The following ZNF85 variants were observed in gnomAD, a reference collection of about 807,000 sequenced individuals.
The protein encoded by ZNF85 is zinc finger protein 85 (HPF4, HTF1).
A neutral mutation model predicts 53.9 loss-of-function variants in ZNF85; 50 were observed. The ratio of observed to expected loss-of-function variants is 0.93; its 90% CI spans 0.74 to 1.17. The LOEUF (loss-of-function observed/expected upper bound fraction) is 1.17. Among genes scored for constraint, ZNF85 ranks in the 50% most tolerant of loss-of-function variants. The pLI, the probability that ZNF85 is intolerant of heterozygous loss-of-function variation, is 0.00. For missense variants in ZNF85, 747 were observed against 688.5 expected (o/e 1.08, Z -0.95); for synonymous variants, 225 against 226.1 (o/e 1.00, Z 0.04).
intron 3 of ZNF85, chr19:20,943,152 C>T: frequency 3.1e-6 from 1 of 321,572 alleles, no homozygotes; most frequent in East Asian, 4.9e-5. Flanking sequence ...GTTGTGTATT[C>T]TCTTGCTTTT....
chr19:20,950,226 G>A lies in ZNF85; in HGVS notation c.1712G>A (p.Cys571Tyr), dbSNP rs1395650972. The change falls in exon 4 of 4, where the codon TGT becomes TAT. Residue 571 changes from cysteine to tyrosine, a missense_variant. Cys to Tyr is a radical substitution (Grantham distance 194). Transcript: ENST00000328178. ...GAAAAACCTTACAAATGTGAAGAAT[G>A]TGACAAAGCTTTTAAATGGTCCTCA... ...TGEKPYKCEE[C>Y]DKAFKWSSVL... The A allele has an allele frequency of 6.2e-6, 10 of 1,608,402 alleles. No homozygotes were observed. The highest frequency in any genetic ancestry group is 8.5e-6 in the Non-Finnish European group (10 of 1,178,056).
chr19:20,948,746 A>C lies in ZNF85; in HGVS notation c.232A>C (p.Met78Leu), dbSNP rs193252937. 1.3e-6 allele frequency: 2 copies of C among 1,542,516 alleles called. No homozygotes were observed. The highest frequency in any genetic ancestry group is 4.5e-5 in the East Asian group (2 of 44,270). Residue 78 changes from methionine (M) to leucine (L), a missense_variant and splice_region_variant, in exon 4 of 4, where the codon ATG (methionine) becomes CTG (leucine). Transcript: ENST00000328178. ...HEIMVAKPTV[M>L]CSHFAQDLWP... Reference sequence around the variant, plus strand: ...TTTGTCATTTTTGTTTCTTTCAGTTATGTGTTCTCATTTTGCCCAAGACCT... The same window carrying C: ...TTTGTCATTTTTGTTTCTTTCAGTTCTGTGTTCTCATTTTGCCCAAGACCT...
At chr19:20,942,076 A>G (rs1390035781) in intron 3 of ZNF85, among the ~76,000 whole-genome samples, 1 of 151,726 alleles carries the variant, frequency 6.6e-6, no homozygotes, top group Non-Finnish European at 1.5e-5. Context: ...TCATATACAG[A>G]TTTCTGTGCT....
Position 20,948,869 on chromosome 19 carries a change from G to A in ZNF85, c.355G>A (p.Glu119Lys). 6.2e-7 allele frequency: 1 copy of A among 1,613,540 alleles called. No homozygotes were observed. The highest frequency in any genetic ancestry group is 1.1e-5 in the South Asian group (1 of 90,868). Residue 119 changes from glutamate (E) to lysine (K), a missense_variant, in exon 4 of 4, where the codon GAA (glutamate) becomes AAA (lysine). Physicochemically the swap from Glu to Lys is moderately conservative, Grantham distance 56. Transcript: ENST00000328178. ...AAATTTACCATTAAGAAAAGGCTGT[G>A]AAAGTATGGATGAGTGTAAGATGCA... ...HENLPLRKGC[E>K]SMDECKMHKG...
At chr19:20,943,135 T>G (rs10425231) in intron 3 of ZNF85, 16,262 of 355,942 alleles carry the variant, frequency 0.046, 669 homozygotes, top group East Asian at 0.16. Context: ...AAGGTGCAAA[T>G]AAGAATGTTG....
chr19:20,942,595 T>C (rs11669193), intron 3 of ZNF85, among the ~76,000 whole-genome samples: 17,123 of 152,210 alleles, frequency 0.11, 1,003 homozygotes, highest in Non-Finnish European at 0.13. Flanking sequence ...CCACTGTAGT[T>C]TGTATTGACA....
chr19:20,933,940 A>G, intron 1 of ZNF85, 84 bp from the exon 2 acceptor site: 2 of 1,376,868 alleles, frequency 1.5e-6, no homozygotes, highest in Non-Finnish European at 9.6e-7. Context: ...AATGCTTTTC[A>G]TAACCAGTTG....
chr19:20,929,847 G>A (rs925234677), intron 1 of ZNF85, among the ~76,000 whole-genome samples: 4 of 152,144 alleles, frequency 2.6e-5, no homozygotes, highest in African/African-American at 4.8e-5. Context: ...TGGGCCAGGC[G>A]TGGTGGCTTA....
At chr19:20,946,319 G>C (rs73532415) in intron 3 of ZNF85, 2 of 421,692 alleles carry the variant, frequency 4.7e-6, no homozygotes, top group Non-Finnish European at 9.4e-6. Context: ...CAAAAAGAAT[G>C]TCGTATGAGC....
intron 1 of ZNF85, chr19:20,927,100 A>C (rs1972897275): frequency 6.6e-6 from 1 of 152,272 alleles, no homozygotes; most frequent in Non-Finnish European, 1.5e-5. Flanking sequence ...GTTGACTCAC[A>C]CTCAGGGTAG....
chr19:20,937,118 C>T (rs1456952982), intron 3 of ZNF85: 4 of 273,848 alleles, frequency 1.5e-5, no homozygotes, highest in South Asian at 3.2e-5. Flanking sequence ...CTGCAACCTC[C>T]GCCTCCTGCG....
chr19:20,937,401 C>T (rs1273294715), intron 3 of ZNF85: 1 of 455,036 alleles, frequency 2.2e-6, no homozygotes, highest in Non-Finnish European at 4.4e-6. Flanking sequence ...GACGGGATGC[C>T]CTCTGAGTTT....
At chr19:20,924,277 T>G (rs1285223555) in intron 1 of ZNF85, among the ~76,000 whole-genome samples, 1 of 152,182 alleles carries the variant, frequency 6.6e-6, no homozygotes, top group Non-Finnish European at 1.5e-5. Flanking sequence ...AGTTATATAG[T>G]CTCTTAATTT....
chr19:20,923,348 C>A lies in ZNF85; in HGVS notation c.-53C>A. On this transcript the variant is annotated 5_prime_UTR_variant, in exon 1 of 4. Coordinates refer to ENST00000328178, the MANE Select transcript of ZNF85 (RefSeq NM_003429.5). Reference sequence around the variant, plus strand: ...CCAGCCTCTGTGGCCCTGTGGCCTGCAGGTATTGGGAGATCCACAGCTAAG... The same window carrying A: ...CCAGCCTCTGTGGCCCTGTGGCCTGAAGGTATTGGGAGATCCACAGCTAAG... The A allele has an allele frequency of 6.2e-7, 1 of 1,613,610 alleles. No individual in the cohort carries two copies.
At position 20,948,793 on chromosome 19, in the gene ZNF85, A is replaced by G. The variant is rs1186405981; in HGVS notation, c.279A>G (p.Lys93=). The G allele has an allele frequency of 2.2e-5, 36 of 1,606,740 alleles. No individual in the cohort carries two copies. The highest frequency in any genetic ancestry group is 2.9e-5 in the Non-Finnish European group (34 of 1,177,616). Residue 93 remains lysine, a synonymous_variant, in exon 4 of 4, where the codon AAA becomes AAG. Coordinates refer to ENST00000328178, the MANE Select transcript of ZNF85 (RefSeq NM_003429.5). ...AQDLWPEQNI[K]DSFQKVTLKR... Reference sequence around the variant, plus strand: ...ACCTTTGGCCGGAGCAGAATATAAAAGATTCTTTCCAAAAAGTGACACTGA... The same window carrying G: ...ACCTTTGGCCGGAGCAGAATATAAAGGATTCTTTCCAAAAAGTGACACTGA...
In ZNF85 at chr19:20,938,652, G is replaced by A. The variant is rs187038462; in HGVS notation, c.229+3605G>A. ...TAGAACAATATGCTAGAATTTACATGTTATGCCTGAAGTAAATTATACAAT... is the reference window on the plus strand; with the variant it reads ...TAGAACAATATGCTAGAATTTACATATTATGCCTGAAGTAAATTATACAAT... On this transcript the variant is annotated intron_variant, in intron 3 of 3. Coordinates refer to ENST00000328178, the MANE Select transcript of ZNF85 (RefSeq NM_003429.5). Among the ~76,000 whole-genome samples, 5 of 152,140 alleles carry A rather than the reference G, an allele frequency of 3.3e-5. No individual in the cohort carries two copies. In the East Asian group the frequency reaches 9.6e-4, roughly 29 times the overall value.
intron 1 of ZNF85, chr19:20,926,838 A>C (rs555560248): frequency 6.6e-6 from 1 of 152,102 alleles, no homozygotes; most frequent in East Asian, 1.9e-4. Flanking sequence ...AAACAAAGTT[A>C]GATTTGTGTA....
chr19:20,945,925 A>G (rs1419251411), intron 3 of ZNF85, among the ~76,000 whole-genome samples: 1 of 152,232 alleles, frequency 6.6e-6, no homozygotes, highest in East Asian at 1.9e-4. Flanking sequence ...TGACATGTAC[A>G]TTACGTATGT....
rs1215962093 is a variant in ZNF85 at position 20,948,868 on chromosome 19, T to C, written c.354T>C (p.Cys118=). The C allele has an allele frequency of 6.2e-7, 1 of 1,613,380 alleles. No homozygotes were observed. Among genetic ancestry groups the C allele is most frequent in the Non-Finnish European group, 8.5e-7 (1 of 1,179,742 alleles). The change falls in exon 4 of 4, where the codon TGT becomes TGC. Residue 118 remains cysteine (C), a synonymous_variant. Coordinates refer to ENST00000328178, the MANE Select transcript of ZNF85 (RefSeq NM_003429.5). ...RHENLPLRKG[C]ESMDECKMHK... is the part of the protein sequence containing the mutation. ...AAAATTTACCATTAAGAAAAGGCTG[T>C]GAAAGTATGGATGAGTGTAAGATGC...
Sources: gnomAD v4.1 joint callset for allele counts (sites outside exome capture counted in the v4.1 genomes callset) on GRCh38, gnomAD v4.1.1 for gene constraint, MANE v1.5 for transcripts, NCBI Gene and HGNC (gene_info 2026-07-23, HGNC 2026-07-21) for gene names.